GREB1: variants seen among roughly 807,000 people sequenced by gnomAD.
GREB1 encodes the protein growth regulating estrogen receptor binding 1.
In GREB1, 106 loss-of-function variants were observed where a neutral mutation model predicts 200.7. The observed-to-expected ratio is 0.53, with a 90% CI of 0.45 to 0.62. The LOEUF is 0.62. Ranked by LOEUF, GREB1 falls within the 20% of genes least tolerant of loss-of-function variation. The pLI, the probability that GREB1 is intolerant of heterozygous loss-of-function variation, is 0.00. For synonymous variants in GREB1, 1,132 were observed against 1,092.4 expected (o/e 1.04, Z -0.72); for missense variants, 2,243 against 2,556.8 (o/e 0.88, Z 2.65).
chr2:11,556,400 G>T (rs1329026696), intron 1 of GREB1, 54 bp from the exon 2 acceptor site: 1 of 451,410 alleles, frequency 2.2e-6, no homozygotes, highest in Non-Finnish European at 3.9e-6. Context: ...GCTCTGCTGA[G>T]TGCTAAATTA....
At chr2:11,504,046 T>C (rs1173691655) in intron 1 of GREB1, among the ~76,000 whole-genome samples, 2 of 152,196 alleles carry the variant, frequency 1.3e-5, no homozygotes, top group African/African-American at 4.8e-5. Flanking sequence ...ATTATAGCAA[T>C]ATACTGTAAT....
chr2:11,616,318 C>A (rs995168798), intron 20 of GREB1, among the ~76,000 whole-genome samples: 1 of 152,264 alleles, frequency 6.6e-6, no homozygotes. Flanking sequence ...AGATGCCCCC[C>A]TCTTCCAGGA....
chr2:11,608,390 G>T (rs1682603861), intron 17 of GREB1, among the ~76,000 whole-genome samples: 2 of 151,982 alleles, frequency 1.3e-5, no homozygotes, highest in African/African-American at 2.4e-5. Context: ...CTGATCAATT[G>T]GTTCCCCCCC....
intron 19 of GREB1, among the ~76,000 whole-genome samples, chr2:11,614,218 C>T (rs1683193320): frequency 6.6e-6 from 1 of 151,168 alleles, no homozygotes; most frequent in Non-Finnish European, 1.5e-5. Flanking sequence ...ACTCCGCCTC[C>T]TGGGTTCAAG....
chr2:11,517,191 G>A (rs1205118488), intron 1 of GREB1, among the ~76,000 whole-genome samples: 4 of 152,112 alleles, frequency 2.6e-5, no homozygotes, highest in African/African-American at 4.8e-5. Flanking sequence ...TGCTGCCCCC[G>A]GCCTCCCTGC....
chr2:11,638,894 T>C (rs2148460883), intron 32 of GREB1, 85 bp downstream of exon 32: 1 of 1,393,708 alleles, frequency 7.2e-7, no homozygotes, highest in African/African-American at 1.4e-5. Flanking sequence ...TTGGTCCTAG[T>C]CCTTATTTGC....
chr2:11,631,522 G>A (rs570745727), intron 26 of GREB1, among the ~76,000 whole-genome samples: 3 of 152,278 alleles, frequency 2.0e-5, no homozygotes, highest in South Asian at 2.1e-4. Context: ...TGGTTCAGCC[G>A]GATGATTTTC....
chr2:11,591,002 T>C (rs535317476), intron 10 of GREB1, among the ~76,000 whole-genome samples: 5 of 152,110 alleles, frequency 3.3e-5, no homozygotes, highest in East Asian at 1.9e-4. Flanking sequence ...TATGTGAAGA[T>C]TGGAGATAAA....
Position 11,598,845 on chromosome 2 carries a change from A to G in GREB1, c.2318A>G (p.His773Arg). ...TLFVLIHDHA[H>R]WDLVSSTVHN... ...TTTGTCCTAATCCATGACCATGCGC[A>G]CTGGGATCTTGTGAGGTTAGATTGA... The change falls in exon 15 of 33, where the codon CAC (histidine) becomes CGC (arginine). Residue 773 changes from histidine (H) to arginine (R), a missense_variant. Around this residue, in one of 3 missense-constraint regions of GREB1, gnomAD observed 1,178 missense variants for 1,387.4 expected, o/e 0.85. Coordinates refer to ENST00000381486, the MANE Select transcript of GREB1 (RefSeq NM_014668.4). 1 of 1,613,918 alleles carries G rather than the reference A, an allele frequency of 6.2e-7. No homozygotes were observed.
At position 11,534,059 on chromosome 2, in the gene GREB1, A is replaced by G. The variant is rs1674176006; in HGVS notation, c.-357A>G. On this transcript the variant is annotated 5_prime_UTR_variant, in exon 1 of 33. Coordinates refer to ENST00000381486, the MANE Select transcript of GREB1 (RefSeq NM_014668.4). ...GTTTTACACATGCTAAATGGTTAAG[A>G]GATACATAAATACTGCAGTAGAGAT... is the stretch of plus-strand genomic sequence containing the variant. The G allele has an allele frequency of 6.6e-6, 1 of 152,240 alleles. No homozygotes were observed. The highest frequency in any genetic ancestry group is 2.4e-5 in the African/African-American group (1 of 41,456). 9.4% of individuals were successfully genotyped at this position (152,240 alleles called of 1,614,324 possible).
chr2:11,514,403 A>G (rs188002256), intron 1 of GREB1, among the ~76,000 whole-genome samples: 74 of 152,314 alleles, frequency 4.9e-4, no homozygotes, highest in Middle Eastern at 6.8e-3. Context: ...TCCAGATCCT[A>G]CACCCTTTTC....
chr2:11,613,222 G>A (rs538017988), intron 19 of GREB1, among the ~76,000 whole-genome samples: 1 of 152,310 alleles, frequency 6.6e-6, no homozygotes, highest in African/African-American at 2.4e-5. Flanking sequence ...CCACCACACA[G>A]ACATGCGGAC....
intron 15 of GREB1, 93 bp from the exon 16 acceptor site, chr2:11,600,707 C>A: frequency 1.0e-6 from 1 of 980,622 alleles, no homozygotes; most frequent in South Asian, 1.4e-5. Flanking sequence ...TTGGTAAAGT[C>A]AGGGGTTAGT....
intron 9 of GREB1, among the ~76,000 whole-genome samples, chr2:11,586,237 G>A (rs1419697306): frequency 6.6e-6 from 1 of 152,244 alleles, no homozygotes; most frequent in African/African-American, 2.4e-5. Context: ...CAGACCCGGT[G>A]CTGAGTGCCG....
chr2:11,538,139 C>T (rs980661462), intron 1 of GREB1, among the ~76,000 whole-genome samples: 9 of 152,194 alleles, frequency 5.9e-5, no homozygotes, highest in African/African-American at 1.7e-4. Flanking sequence ...TGCAGATGCT[C>T]GCTCGGGCAG....
chr2:11,626,918 G>A, intron 24 of GREB1, 44 bp from the exon 25 acceptor site: 1 of 1,609,188 alleles, frequency 6.2e-7, no homozygotes. Context: ...GATAATGTTT[G>A]CTTTGCTCCC....
intron 23 of GREB1, among the ~76,000 whole-genome samples, chr2:11,621,651 T>C (rs1456618150): frequency 6.6e-6 from 1 of 152,196 alleles, no homozygotes; most frequent in East Asian, 1.9e-4. Flanking sequence ...ATGAATCTGC[T>C]GTGCTGGGAG....
At chr2:11,518,851 C>A (rs1423839080) in intron 1 of GREB1, among the ~76,000 whole-genome samples, 2 of 152,010 alleles carry the variant, frequency 1.3e-5, no homozygotes, top group African/African-American at 4.8e-5. Context: ...GTAATCCCAG[C>A]ACTTTGGGAG....
Position 11,566,502 on chromosome 2 carries a change from C to T in GREB1, c.300C>T (p.Asp100=). The T allele has an allele frequency of 1.2e-6, 2 of 1,612,404 alleles. No individual in the cohort carries two copies. The highest frequency in any genetic ancestry group is 8.5e-7 in the Non-Finnish European group (1 of 1,179,120). Residue 100 remains aspartate (D), a synonymous_variant, in exon 4 of 33, where the codon GAC becomes GAT. Transcript: ENST00000381486. The part of the protein sequence containing the change: ...TTDGFCQAGK[D]LRLVSISNEP... ...TAGGGTTTTGCCAGGCCGGGAAGGA[C>T]CTGCGCCTTGTCTCCATTTCCAACG...
Sources: allele counts gnomAD v4.1 joint callset (sites outside exome capture counted in the v4.1 genomes callset), GRCh38; gene constraint gnomAD v4.1.1; regional missense constraint gnomAD v4.1.1; transcripts MANE v1.5; gene names NCBI Gene and HGNC (gene_info 2026-07-23, HGNC 2026-07-21).